The following CYB5R4 variants were observed in gnomAD, a reference collection of about 807,000 sequenced individuals.
CYB5R4 encodes the protein cytochrome b5 reductase 4.
CYB5R4 carries 55 observed loss-of-function variants against 70.2 expected under a neutral mutation model. That is an observed-to-expected ratio of 0.78 (90% CI 0.63 to 0.98). CYB5R4 has a LOEUF of 0.98. CYB5R4 is among the 50% of genes least tolerant of loss of function. CYB5R4 has a pLI of 0.00. For synonymous variants in CYB5R4, 197 were observed against 199.5 expected (o/e 0.99, Z 0.11); for missense variants, 562 against 612.6 (o/e 0.92, Z 0.87).
At chr6:83,918,145 T>C in intron 6 of CYB5R4, 80 bp downstream of exon 6, 1 of 1,060,154 alleles carries the variant, frequency 9.4e-7, no homozygotes, top group Non-Finnish European at 1.4e-6. Flanking sequence ...AAAGTAGCTC[T>C]GGGTTTGATT....
chr6:83,922,528 G>A lies in CYB5R4; in HGVS notation c.691+58G>A, dbSNP rs1345557750. The A allele has an allele frequency of 2.5e-6, 3 of 1,217,232 alleles. No homozygotes were observed. The East Asian group carries it at 7.2e-5, about 29-fold the overall frequency. 75.4% of individuals were successfully genotyped at this position (1,217,232 alleles called of 1,614,324 possible). A position where few individuals can be genotyped will look rare whatever the true frequency, so the allele number is the denominator to read the frequency against. Reference sequence around the variant, plus strand: ...ACGTACATATACACATACCTACAGAGAGAGAGATACGAAAAAATTGAAAAA... The same window carrying A: ...ACGTACATATACACATACCTACAGAAAGAGAGATACGAAAAAATTGAAAAA... On this transcript the variant is annotated intron_variant, in intron 9 of 15. Coordinates refer to ENST00000369681, the MANE Select transcript of CYB5R4 (RefSeq NM_016230.4).
At position 83,924,069 on chromosome 6, in the gene CYB5R4, CA is replaced by C. The variant is rs34702511; in HGVS notation, c.692-381del. On this transcript the variant is annotated intron_variant, in intron 9 of 15. Coordinates refer to ENST00000369681, the MANE Select transcript of CYB5R4 (RefSeq NM_016230.4). ...TGGGTGACAGAGCAAGACTCCGTCT[CA>C]AAAAAAAAAAAAAAAAAAAGAATTA... Among the ~76,000 whole-genome samples, 116 of 52,878 alleles carry C rather than the reference CA, an allele frequency of 2.2e-3. 2 individuals carry two copies. Among genetic ancestry groups the C allele is most frequent in the Middle Eastern group, 0.011 (1 of 90 alleles). 34.7% of individuals were successfully genotyped at this position (52,878 alleles called of 152,430 possible).
rs889909649 is a variant in CYB5R4 at position 83,961,624 on chromosome 6, T to G, written c.*1746T>G. ...CAGCCATGCAGAACTGTGAGTCAAT[T>G]AAACCTCTTTTCTTCATAAATTACC... On this transcript the variant is annotated 3_prime_UTR_variant, in exon 16 of 16. Coordinates refer to ENST00000369681, the MANE Select transcript of CYB5R4 (RefSeq NM_016230.4). The G allele has an allele frequency of 6.6e-6, 1 of 152,556 alleles. No individual in the cohort carries two copies. The highest frequency in any genetic ancestry group is 2.4e-5 in the African/African-American group (1 of 41,468). 9.5% of individuals were successfully genotyped at this position (152,556 alleles called of 1,614,324 possible). A position where few individuals can be genotyped will look rare whatever the true frequency, so the allele number is the denominator to read the frequency against.
At chr6:83,888,480 G>C (rs534691300) in intron 2 of CYB5R4, among the ~76,000 whole-genome samples, 1 of 152,086 alleles carries the variant, frequency 6.6e-6, no homozygotes, top group East Asian at 1.9e-4. Flanking sequence ...CATTATTATT[G>C]TATCTCTTAT....
At chr6:83,906,100 A>C (rs2099463715) in intron 3 of CYB5R4, among the ~76,000 whole-genome samples, 1 of 152,126 alleles carries the variant, frequency 6.6e-6, no homozygotes. Flanking sequence ...TGGAATGCTC[A>C]GGTGGAGGGA....
chr6:83,952,969 G>A (rs1199232821), intron 14 of CYB5R4, among the ~76,000 whole-genome samples: 1 of 152,116 alleles, frequency 6.6e-6, no homozygotes, highest in African/African-American at 2.4e-5. Context: ...ACCTGAAACT[G>A]TTTCTTTTTC....
At chr6:83,894,761 T>G (rs537036278) in intron 3 of CYB5R4, among the ~76,000 whole-genome samples, 1 of 150,390 alleles carries the variant, frequency 6.6e-6, no homozygotes, top group East Asian at 2.0e-4. Flanking sequence ...ATTAAGAAAA[T>G]CATAAGGAAG....
intron 3 of CYB5R4, among the ~76,000 whole-genome samples, chr6:83,902,085 A>G (rs2099463069): frequency 6.6e-6 from 1 of 152,130 alleles, no homozygotes; most frequent in African/African-American, 2.4e-5. Context: ...TAACCATAAA[A>G]TCTTTGCTTA....
intron 10 of CYB5R4, 97 bp from the exon 11 acceptor site, chr6:83,934,498 C>A: frequency 1.2e-6 from 1 of 801,172 alleles, no homozygotes. Context: ...TTGAAGCTTT[C>A]TAGAAAACAG....
At chr6:83,953,017 T>C (rs1295655345) in intron 14 of CYB5R4, among the ~76,000 whole-genome samples, 1 of 152,168 alleles carries the variant, frequency 6.6e-6, no homozygotes, top group East Asian at 1.9e-4. Context: ...AGCCCACTAA[T>C]CTGGAGCCTT....
At chr6:83,865,697 C>T (rs939285852) in intron 2 of CYB5R4, among the ~76,000 whole-genome samples, 1 of 152,234 alleles carries the variant, frequency 6.6e-6, no homozygotes, top group Non-Finnish European at 1.5e-5. Flanking sequence ...AGGTCATATT[C>T]TGAGCTACTG....
chr6:83,914,465 A>G lies in CYB5R4; in HGVS notation c.445+17A>G, dbSNP rs757315007. The G allele has an allele frequency of 5.3e-6, 8 of 1,497,018 alleles. No individual in the cohort carries two copies. The highest frequency in any genetic ancestry group is 4.0e-5 in the Admixed American group (2 of 50,472). The allele number at this position is 1,497,018 out of a possible 1,614,324, so 92.7% of individuals were successfully genotyped here. On this transcript the variant is annotated intron_variant, in intron 5 of 15. Coordinates refer to ENST00000369681, the MANE Select transcript of CYB5R4 (RefSeq NM_016230.4). ...TCTTAAATGGTAAGTCTATAAATTTATAATAAATGAATCATATTCACATGC... is the reference window on the plus strand; with the variant it reads ...TCTTAAATGGTAAGTCTATAAATTTGTAATAAATGAATCATATTCACATGC...
chr6:83,871,211 C>G (rs532146238), intron 2 of CYB5R4, among the ~76,000 whole-genome samples: 1 of 151,982 alleles, frequency 6.6e-6, no homozygotes, highest in African/African-American at 2.4e-5. Flanking sequence ...AACTCCTGAT[C>G]GCAGGTGATC....
At chr6:83,952,853 A>G (rs972931756) in intron 14 of CYB5R4, among the ~76,000 whole-genome samples, 16 of 152,134 alleles carry the variant, frequency 1.1e-4, no homozygotes, top group African/African-American at 3.9e-4. Flanking sequence ...TCTGTGGACT[A>G]TATGTTTTTG....
intron 14 of CYB5R4, among the ~76,000 whole-genome samples, chr6:83,954,830 A>G (rs1394979432): frequency 4.6e-5 from 7 of 151,944 alleles, no homozygotes; most frequent in African/African-American, 1.7e-4. Context: ...CTCCTGCCTC[A>G]GCTTCCCAAA....
At chr6:83,894,123 C>T (rs1272511610) in intron 3 of CYB5R4, among the ~76,000 whole-genome samples, 2 of 152,084 alleles carry the variant, frequency 1.3e-5, no homozygotes, top group African/African-American at 4.8e-5. Context: ...CTTATTTTTC[C>T]TAGCATGATG....
intron 2 of CYB5R4, among the ~76,000 whole-genome samples, chr6:83,874,979 A>C (rs56907108): frequency 6.6e-6 from 1 of 151,606 alleles, no homozygotes; most frequent in Non-Finnish European, 1.5e-5. Flanking sequence ...TGCACCACCA[A>C]GCCCAGCTAA....
At chr6:83,933,533 A>T (rs2099468466) in intron 10 of CYB5R4, among the ~76,000 whole-genome samples, 1 of 152,172 alleles carries the variant, frequency 6.6e-6, no homozygotes, top group South Asian at 2.1e-4. Context: ...AAAAAAAGAG[A>T]ATAGAGTAAG....
intron 12 of CYB5R4, among the ~76,000 whole-genome samples, chr6:83,938,411 TAG>T (rs775283622): frequency 6.6e-6 from 1 of 152,328 alleles, no homozygotes; most frequent in East Asian, 1.9e-4. Flanking sequence ...TTGTGTCACT[TAG>T]AGAGTTGTAC....
Sources: allele counts gnomAD v4.1 joint callset (sites outside exome capture counted in the v4.1 genomes callset), GRCh38; gene constraint gnomAD v4.1.1; transcripts MANE v1.5; gene names NCBI Gene and HGNC (gene_info 2026-07-23, HGNC 2026-07-21).